FREM2: variants seen among roughly 807,000 people sequenced by gnomAD.
The protein encoded by FREM2 is FRAS1 related extracellular matrix 2.
In FREM2, 119 loss-of-function variants were observed where a neutral mutation model predicts 219.9. That is an observed-to-expected ratio of 0.54 (90% confidence interval 0.47 to 0.63). FREM2 has a LOEUF of 0.63. Among genes scored for constraint, FREM2 ranks in the 30% least tolerant of loss-of-function variants. The pLI, the probability that FREM2 is intolerant of heterozygous loss-of-function variation, is 0.00. For missense variants in FREM2, 4,030 were observed against 3,993.6 expected (o/e 1.01, Z -0.25); for synonymous variants, 1,562 against 1,522.8 (o/e 1.03, Z -0.60).
chr13:38,851,908 C>T, intron 11 of FREM2, 40 bp downstream of exon 11: 1 of 1,556,616 alleles, frequency 6.4e-7, no homozygotes, highest in Non-Finnish European at 8.9e-7. Context: ...TGGATCATGC[C>T]AACTCTGTGT....
chr13:38,692,335 C>G lies in FREM2; in HGVS notation c.4991C>G (p.Ala1664Gly), dbSNP rs149779771. 1 of 1,604,444 alleles carries G rather than the reference C, an allele frequency of 6.2e-7. No individual in the cohort carries two copies. Among genetic ancestry groups the G allele is most frequent in the Non-Finnish European group, 8.5e-7 (1 of 1,174,932 alleles). ...SVPQIAVNKG[A>G]STLRTLATGH... is the part of the protein sequence containing the mutation. ...CCCCAAATCGCAGTGAATAAGGGGG[C>G]CTCTACACTTCGCACTCTAGCCACT... Residue 1664 changes from alanine to glycine, a missense_variant, in exon 1 of 24, where the codon GCC (alanine) becomes GGC (glycine). Coordinates refer to ENST00000280481, the MANE Select transcript of FREM2 (RefSeq NM_207361.6).
chr13:38,726,444 C>G (rs957510811), intron 2 of FREM2, among the ~76,000 whole-genome samples: 15 of 152,120 alleles, frequency 9.9e-5, no homozygotes, highest in African/African-American at 3.4e-4. Context: ...AAGAGCAGTT[C>G]CCCTTGAGTC....
intron 1 of FREM2, among the ~76,000 whole-genome samples, chr13:38,696,017 G>A (rs1465927537): frequency 6.6e-6 from 1 of 152,172 alleles, no homozygotes; most frequent in Non-Finnish European, 1.5e-5. Flanking sequence ...AGTAGAGTTA[G>A]AAATATGGGG....
At chr13:38,762,183 C>T (rs912009425) in intron 2 of FREM2, among the ~76,000 whole-genome samples, 6 of 152,014 alleles carry the variant, frequency 3.9e-5, no homozygotes, top group African/African-American at 7.2e-5. Flanking sequence ...TTAGCGTCAC[C>T]CTCACCTGAC....
At chr13:38,853,942 A>G (rs1877467593) in intron 11 of FREM2, among the ~76,000 whole-genome samples, 1 of 152,164 alleles carries the variant, frequency 6.6e-6, no homozygotes, top group Admixed American at 6.5e-5. Flanking sequence ...GCTATGTAGT[A>G]AACTGAAAAA....
intron 6 of FREM2, among the ~76,000 whole-genome samples, chr13:38,846,105 C>T (rs916800793): frequency 2.6e-5 from 4 of 151,538 alleles, no homozygotes; most frequent in African/African-American, 9.7e-5. Context: ...TCACATACAT[C>T]GAAATAAGCC....
chr13:38,761,487 AATTTTTTAAAAT>A (rs1220128889), intron 2 of FREM2, among the ~76,000 whole-genome samples: 1 of 152,240 alleles, frequency 6.6e-6, no homozygotes, highest in African/African-American at 2.4e-5. Context: ...TAAACACAAT[AATTTTTTAAAAT>A]ATTTTTTAAA....
chr13:38,880,867 C>G lies in FREM2; in HGVS notation c.*80C>G. On this transcript the variant is annotated 3_prime_UTR_variant, in exon 24 of 24. Coordinates refer to ENST00000280481, the MANE Select transcript of FREM2 (RefSeq NM_207361.6). Reference sequence around the variant, plus strand: ...GGAACCTTAAATACTTCTGGTAAACCATAGAGAATGGAGGATGGCTGTGAT... The same window carrying G: ...GGAACCTTAAATACTTCTGGTAAACGATAGAGAATGGAGGATGGCTGTGAT... 6.7e-7 allele frequency: 1 copy of G among 1,496,902 alleles called. No homozygotes were observed. Among genetic ancestry groups the G allele is most frequent in the East Asian group, 2.3e-5 (1 of 43,552 alleles). The allele number at this position is 1,496,902 out of a possible 1,614,324, so 92.7% of individuals were successfully genotyped here.
Position 38,688,780 on chromosome 13 carries a change from T to G in FREM2, c.1436T>G (p.Val479Gly). Reference sequence around the variant, plus strand: ...AGCGATGAGGATGACCTAGAAGCAGTGCGGCTAGAGGTGGTGGCTGGGCTC... The same window carrying G: ...AGCGATGAGGATGACCTAGAAGCAGGGCGGCTAGAGGTGGTGGCTGGGCTC... The part of the protein sequence containing the change: ...VISDEDDLEA[V>G]RLEVVAGLRH... The change falls in exon 1 of 24, where the codon GTG becomes GGG. Residue 479 changes from valine (V) to glycine (G), a missense_variant. Transcript: ENST00000280481. The G allele has an allele frequency of 6.2e-7, 1 of 1,614,036 alleles. No individual in the cohort carries two copies. The highest frequency in any genetic ancestry group is 8.5e-7 in the Non-Finnish European group (1 of 1,180,020).
intron 6 of FREM2, among the ~76,000 whole-genome samples, chr13:38,786,360 TG>T (rs1247716703): frequency 6.6e-6 from 1 of 152,192 alleles, no homozygotes; most frequent in Non-Finnish European, 1.5e-5. Flanking sequence ...CAAGAGGTAT[TG>T]AAAGTCTTGA....
chr13:38,732,010 G>C (rs914029827), intron 2 of FREM2, among the ~76,000 whole-genome samples: 1 of 152,180 alleles, frequency 6.6e-6, no homozygotes, highest in African/African-American at 2.4e-5. Flanking sequence ...GCTTGGAAAT[G>C]AATATCCATA....
chr13:38,712,650 TCACA>T (rs58097045), intron 2 of FREM2, among the ~76,000 whole-genome samples: 96,528 of 148,708 alleles, frequency 0.65, 32,753 homozygotes, highest in Non-Finnish European at 0.76. Flanking sequence ...TTTCTCTCTC[TCACA>T]CACACACACA....
chr13:38,788,185 A>G (rs1293643151), intron 6 of FREM2, among the ~76,000 whole-genome samples: 18 of 152,040 alleles, frequency 1.2e-4, no homozygotes, highest in Admixed American at 1.1e-3. Flanking sequence ...TGAGTGCTAT[A>G]TTTTCAAGTC....
chr13:38,769,257 C>T (rs1873558681), intron 3 of FREM2, among the ~76,000 whole-genome samples: 1 of 152,116 alleles, frequency 6.6e-6, no homozygotes, highest in African/African-American at 2.4e-5. Context: ...GATTGTATAA[C>T]TTGTAGGAGT....
chr13:38,739,679 C>T (rs140504427), intron 2 of FREM2, among the ~76,000 whole-genome samples: 108 of 152,190 alleles, frequency 7.1e-4, no homozygotes, highest in East Asian at 3.9e-3. Flanking sequence ...CATACACCTG[C>T]GGCACCCTCA....
At chr13:38,747,724 CTG>C (rs548577119) in intron 2 of FREM2, among the ~76,000 whole-genome samples, 3 of 152,194 alleles carry the variant, frequency 2.0e-5, no homozygotes, top group African/African-American at 7.2e-5. Context: ...GAGTACAGAA[CTG>C]TTGTATTTAT....
intron 6 of FREM2, among the ~76,000 whole-genome samples, chr13:38,805,131 A>G (rs1216388950): frequency 6.6e-6 from 1 of 152,158 alleles, no homozygotes; most frequent in African/African-American, 2.4e-5. Flanking sequence ...ACGAGCTTGA[A>G]GCACATTTAT....
rs115424917 is a variant in FREM2, at chr13:38,870,717, A to C, written c.7984-2025A>C. Among the ~76,000 whole-genome samples the C allele has an allele frequency of 7.4e-3, 1,121 of 152,280 alleles. 16 individuals carry two copies. The highest frequency in any genetic ancestry group is 0.025 in the African/African-American group (1,044 of 41,558). On this transcript the variant is annotated intron_variant, in intron 16 of 23. Coordinates refer to ENST00000280481, the MANE Select transcript of FREM2 (RefSeq NM_207361.6). ...TGGAATGCTGATTCTGTGTCCAAAA[A>C]TGATCAAGCTCTAGTTTACCACAAC...
intron 6 of FREM2, among the ~76,000 whole-genome samples, chr13:38,807,189 TTATATATA>T (rs59551341): frequency 0.021 from 969 of 45,430 alleles, 77 homozygotes; most frequent in Middle Eastern, 0.052. Context: ...CTTGTCTCTG[TTATATATA>T]TATATATATA....
Sources: allele counts gnomAD v4.1 joint callset (sites outside exome capture counted in the v4.1 genomes callset), GRCh38; gene constraint gnomAD v4.1.1; transcripts MANE v1.5; gene names NCBI Gene and HGNC (gene_info 2026-07-23, HGNC 2026-07-21).